GSG1L: variants seen among roughly 807,000 people sequenced by gnomAD.
GSG1L encodes the protein GSG1 like.
A neutral mutation model predicts 42.1 loss-of-function variants in GSG1L; 24 were observed. That is an observed-to-expected ratio of 0.57 (90% CI 0.41 to 0.80). The LOEUF (loss-of-function observed/expected upper bound fraction) is 0.80, where lower values mean the gene tolerates loss of function less well. Among genes scored for constraint, GSG1L ranks in the 30% least tolerant of loss-of-function variants. GSG1L has a pLI of 0.00. For synonymous variants in GSG1L, 215 were observed against 203.5 expected, an observed-to-expected ratio of 1.06 and a Z score of -0.48; for missense variants, 445 against 472.2, an observed-to-expected ratio of 0.94 and a Z score of 0.53.
At chr16:28,019,774 G>A (rs543689825) in intron 1 of GSG1L, among the ~76,000 whole-genome samples, 4 of 152,288 alleles carry the variant, frequency 2.6e-5, no homozygotes, top group African/African-American at 7.2e-5. Flanking sequence ...TTTAGGCCAC[G>A]CTAGACCACA....
intron 1 of GSG1L, among the ~76,000 whole-genome samples, chr16:28,016,150 C>T (rs544936294): frequency 3.9e-5 from 6 of 152,102 alleles, no homozygotes; most frequent in Non-Finnish European, 8.8e-5. Context: ...CCACCATGCC[C>T]GGCTAATTTT....
At chr16:27,960,963 A>G (rs1180729835) in intron 2 of GSG1L, among the ~76,000 whole-genome samples, 2 of 152,148 alleles carry the variant, frequency 1.3e-5, no homozygotes, top group East Asian at 1.9e-4. Flanking sequence ...TTCTTGTAAA[A>G]GAAGCAAAAT....
intron 1 of GSG1L, among the ~76,000 whole-genome samples, chr16:28,037,234 C>A (rs894567555): frequency 1.3e-5 from 2 of 152,226 alleles, no homozygotes; most frequent in Admixed American, 1.3e-4. Flanking sequence ...CCATGTGGGC[C>A]AGGCTGGTTT....
intron 3 of GSG1L, among the ~76,000 whole-genome samples, chr16:27,866,359 C>T (rs2083724951): frequency 6.6e-6 from 1 of 152,232 alleles, no homozygotes; most frequent in Admixed American, 6.5e-5. Flanking sequence ...GTATCAATCA[C>T]TGTGCTGGGC....
intron 3 of GSG1L, among the ~76,000 whole-genome samples, chr16:27,866,014 G>T (rs1432773545): frequency 6.6e-6 from 1 of 151,838 alleles, no homozygotes; most frequent in Non-Finnish European, 1.5e-5. Flanking sequence ...TACACTCTTA[G>T]TTTCTGTTTC....
intron 5 of GSG1L, among the ~76,000 whole-genome samples, chr16:27,827,225 C>A (rs1313293755): frequency 6.6e-6 from 1 of 152,206 alleles, no homozygotes; most frequent in East Asian, 1.9e-4. Flanking sequence ...TGACCTAGGG[C>A]TGCTGTTCTA....
intron 1 of GSG1L, among the ~76,000 whole-genome samples, chr16:28,048,279 C>G (rs931976947): frequency 2.2e-4 from 34 of 151,988 alleles, no homozygotes; most frequent in Admixed American, 1.9e-3. Context: ...ATCTATAAAA[C>G]TGCTTTAAAC....
At position 27,838,310 on chromosome 16, in the gene GSG1L, G is replaced by A. The variant is rs867310460; in HGVS notation, c.662+6640C>T. Among the ~76,000 whole-genome samples the A allele has an allele frequency of 2.0e-5, 3 of 152,222 alleles. No individual in the cohort carries two copies. In the South Asian group the frequency reaches 6.2e-4, roughly 32 times the overall value. On this transcript the variant is annotated intron_variant, in intron 4 of 6. Transcript: ENST00000447459. ...ACACTGCTCTGGTTTTAGCATGGGT[G>A]AGAGGCTATATCCATGAGCCTTCAT...
At chr16:28,004,361 A>C (rs1195600424) in intron 1 of GSG1L, among the ~76,000 whole-genome samples, 1 of 151,730 alleles carries the variant, frequency 6.6e-6, no homozygotes, top group African/African-American at 2.4e-5. Flanking sequence ...GGGAGCTGAG[A>C]GGAAGGAGGT....
intron 1 of GSG1L, among the ~76,000 whole-genome samples, chr16:27,970,435 G>A (rs140486765): frequency 6.6e-6 from 1 of 151,894 alleles, no homozygotes; most frequent in Non-Finnish European, 1.5e-5. Context: ...AGCCAGGCAT[G>A]GTGGTGCACC....
chr16:27,800,122 T>C (rs896522244), intron 6 of GSG1L, among the ~76,000 whole-genome samples: 4 of 152,214 alleles, frequency 2.6e-5, no homozygotes, highest in African/African-American at 9.6e-5. Context: ...GTCTCAGATG[T>C]CTGCAAGCTG....
At position 27,981,833 on chromosome 16, in the gene GSG1L, C is replaced by T. The variant is rs143949765; in HGVS notation, c.350-18630G>A. ...ATGTTAAAGCTGAAGAAGCTAAATG[C>T]TTATCTAAAATTAGAATTATAGTGA... On this transcript the variant is annotated intron_variant, in intron 1 of 6. Coordinates refer to ENST00000447459, the MANE Select transcript of GSG1L (RefSeq NM_001109763.2). 7.6e-3 allele frequency among the ~76,000 whole-genome samples: 1,155 copies of T among 152,234 alleles called. 14 individuals carry two copies. The highest frequency in any genetic ancestry group is 0.026 in the African/African-American group (1,073 of 41,520).
intron 1 of GSG1L, among the ~76,000 whole-genome samples, chr16:28,051,153 T>C (rs2086218743): frequency 6.6e-6 from 1 of 152,150 alleles, no homozygotes; most frequent in Admixed American, 6.5e-5. Context: ...AAGTGTTCAT[T>C]ACCTACCAGT....
intron 2 of GSG1L, among the ~76,000 whole-genome samples, chr16:27,905,780 G>C (rs1261252683): frequency 6.6e-6 from 1 of 152,098 alleles, no homozygotes; most frequent in Non-Finnish European, 1.5e-5. Context: ...GCATGATCCT[G>C]CCTGAGTCTA....
intron 2 of GSG1L, among the ~76,000 whole-genome samples, chr16:27,939,021 A>T (rs1048430078): frequency 5.9e-5 from 9 of 152,216 alleles, no homozygotes; most frequent in Non-Finnish European, 1.5e-5. Flanking sequence ...TGGGGAACTA[A>T]CGGGGAACCC....
intron 1 of GSG1L, among the ~76,000 whole-genome samples, chr16:28,029,052 C>T (rs1176051631): frequency 1.3e-5 from 2 of 152,210 alleles, no homozygotes; most frequent in East Asian, 1.9e-4. Flanking sequence ...TTGCCTAACA[C>T]GGGATCAGGA....
At chr16:27,904,395 T>G (rs2084296192) in intron 2 of GSG1L, among the ~76,000 whole-genome samples, 1 of 152,118 alleles carries the variant, frequency 6.6e-6, no homozygotes, top group Admixed American at 6.6e-5. Context: ...AAATGTCACT[T>G]CTCAGTGATG....
chr16:27,922,876 C>A (rs757447381), intron 2 of GSG1L, among the ~76,000 whole-genome samples: 6 of 152,176 alleles, frequency 3.9e-5, no homozygotes, highest in Non-Finnish European at 8.8e-5. Flanking sequence ...CTCACACGAC[C>A]CCCTGGGCTT....
intron 2 of GSG1L, among the ~76,000 whole-genome samples, chr16:27,888,458 TTC>T (rs1567505725): frequency 2.2e-5 from 1 of 45,538 alleles, no homozygotes; most frequent in Non-Finnish European, 5.0e-5. Context: ...CTTTCTTTCT[TTC>T]TTTCTCTCTC....
Sources: allele counts gnomAD v4.1 joint callset (sites outside exome capture counted in the v4.1 genomes callset), GRCh38; gene constraint gnomAD v4.1.1; transcripts MANE v1.5; gene names NCBI Gene and HGNC (gene_info 2026-07-23, HGNC 2026-07-21).